RNF43: variants seen among roughly 807,000 people sequenced by gnomAD.
RNF43 encodes the protein E3 ubiquitin-protein ligase RNF43.
In RNF43, 37 loss-of-function variants were observed where a neutral mutation model predicts 78.4. The ratio of observed to expected loss-of-function variants is 0.47; its 90% confidence interval spans 0.36 to 0.62. RNF43 has a LOEUF of 0.62. Among genes scored for constraint, RNF43 ranks in the 20% least tolerant of loss-of-function variants. The pLI is 0.00. For missense variants in RNF43, 774 were observed against 1,007.9 expected (o/e 0.77, Z 3.14); for synonymous variants, 347 against 395.0 (o/e 0.88, Z 1.44).
At chr17:58,371,092 G>A (rs2143517559) in intron 2 of RNF43, 59 bp from the exon 3 acceptor site, 1 of 1,492,326 alleles carries the variant, frequency 6.7e-7, no homozygotes, top group Non-Finnish European at 9.0e-7. Context: ...TGAGCTGTGA[G>A]AGCCATATAC....
intron 2 of RNF43, among the ~76,000 whole-genome samples, chr17:58,378,490 CA>C (rs1973251483): frequency 1.3e-5 from 2 of 152,214 alleles, no homozygotes; most frequent in Admixed American, 1.3e-4. Context: ...CTCCTGGGCT[CA>C]AGTGATCCTC....
At chr17:58,378,703 A>G (rs1377916198) in intron 2 of RNF43, among the ~76,000 whole-genome samples, 2 of 152,214 alleles carry the variant, frequency 1.3e-5, no homozygotes, top group Non-Finnish European at 2.9e-5. Flanking sequence ...AGAGGCCTCC[A>G]TGATTTCTCA....
intron 3 of RNF43, among the ~76,000 whole-genome samples, chr17:58,366,785 G>A (rs1972961989): frequency 6.6e-6 from 1 of 152,144 alleles, no homozygotes; most frequent in Non-Finnish European, 1.5e-5. Flanking sequence ...CTGGCACGGG[G>A]TGTTGCTTAA....
chr17:58,375,020 C>A (rs2143535488), intron 2 of RNF43, among the ~76,000 whole-genome samples: 1 of 152,250 alleles, frequency 6.6e-6, no homozygotes, highest in South Asian at 2.1e-4. Flanking sequence ...CCACCAATAT[C>A]CAATCAATCG....
intron 2 of RNF43, among the ~76,000 whole-genome samples, chr17:58,400,997 C>A (rs2143642039): frequency 6.6e-6 from 1 of 152,004 alleles, no homozygotes; most frequent in Non-Finnish European, 1.5e-5. Flanking sequence ...CATAGGGTAA[C>A]CTACATTTCT....
At chr17:58,389,196 T>C (rs887073043) in intron 2 of RNF43, among the ~76,000 whole-genome samples, 5 of 152,030 alleles carry the variant, frequency 3.3e-5, no homozygotes, top group African/African-American at 1.2e-4. Flanking sequence ...CTGGTAGTAA[T>C]AGTTAAAAGG....
rs2632517 is a variant in RNF43 at position 58,363,113 on chromosome 17, G to A, written c.582+162C>T. Reference sequence around the variant, plus strand: ...ATTCTGTAGGTGAGGCCCAAAGACGGGGGAAAACTTGCCCAGAGGCACACA... The same window carrying A: ...ATTCTGTAGGTGAGGCCCAAAGACGAGGGAAAACTTGCCCAGAGGCACACA... On this transcript the variant is annotated intron_variant, in intron 5 of 9. Transcript: ENST00000407977. 57,721 of 807,694 alleles carry A rather than the reference G, an allele frequency of 0.071. 2,478 individuals carry two copies. The highest frequency in any genetic ancestry group is 0.091 in the Non-Finnish European group (47,383 of 519,752). The allele number at this position is 807,694 out of a possible 1,614,324, so 50.0% of individuals were successfully genotyped here.
intron 1 of RNF43, chr17:58,416,583 A>C (rs903860283): frequency 1.3e-5 from 2 of 152,146 alleles, no homozygotes; most frequent in African/African-American, 4.8e-5. Context: ...AGATTTTATG[A>C]TCTGTAATTT....
intron 2 of RNF43, among the ~76,000 whole-genome samples, chr17:58,398,352 T>TA (rs1168550550): frequency 6.6e-6 from 1 of 152,208 alleles, no homozygotes; most frequent in African/African-American, 2.4e-5. Flanking sequence ...GGGCTAAACT[T>TA]ACAATCTCCC....
intron 3 of RNF43, among the ~76,000 whole-genome samples, chr17:58,364,516 C>T (rs527471471): frequency 1.8e-4 from 27 of 152,168 alleles, no homozygotes; most frequent in South Asian, 2.1e-4. Flanking sequence ...AGCTAAAGGT[C>T]GGGGGAGGCG....
rs1383265452 is a variant in RNF43 at position 58,388,707 on chromosome 17, G to C, written c.253-17674C>G. Reference sequence around the variant, plus strand: ...AATAGGTCCTACAGGATTTGTCAAGGAGATGGATCTTAAGCTCACCCTTAA... The same window carrying C: ...AATAGGTCCTACAGGATTTGTCAAGCAGATGGATCTTAAGCTCACCCTTAA... On this transcript the variant is annotated intron_variant, in intron 2 of 9. Transcript: ENST00000407977. Among the ~76,000 whole-genome samples the C allele has an allele frequency of 2.0e-5, 3 of 152,308 alleles. No individual in the cohort carries two copies. The East Asian group carries it at 5.8e-4, about 29-fold the overall frequency.
In RNF43 at chr17:58,358,000, A is replaced by G. The variant is rs781096250; in HGVS notation, c.1776T>C (p.Pro592=). 6.9e-6 allele frequency: 11 copies of G among 1,603,616 alleles called. No homozygotes were observed. Residue 592 remains proline (P), a synonymous_variant, in exon 9 of 10, where the codon CCT becomes CCC. Coordinates refer to ENST00000407977, the MANE Select transcript of RNF43 (RefSeq NM_017763.6). The surrounding 1 kb of genome is among the most constrained non-coding windows in gnomAD (Gnocchi z 4.5). ...ATCTGGTGACTTGCTGATCAGGAGA[A>G]GGTGGCTCTGGCTGGGGCTGTGTCC... ...IPRTQPQPEP[P]SPDQQVTRSN...
intron 5 of RNF43, 156 bp downstream of exon 5, chr17:58,363,119 A>G (rs1289708223): frequency 1.1e-6 from 1 of 888,806 alleles, no homozygotes; most frequent in African/African-American, 1.7e-5. Context: ...GACGGGGGAA[A>G]ACTTGCCCAG....
intron 2 of RNF43, among the ~76,000 whole-genome samples, chr17:58,390,123 A>T (rs1186372200): frequency 1.3e-5 from 2 of 152,184 alleles, no homozygotes; most frequent in Non-Finnish European, 2.9e-5. Flanking sequence ...CTACATTCAG[A>T]ATCAGCAAAG....
intron 2 of RNF43, among the ~76,000 whole-genome samples, chr17:58,372,129 A>C (rs745403345): frequency 2.0e-5 from 3 of 152,244 alleles, no homozygotes; most frequent in Non-Finnish European, 4.4e-5. Context: ...TCCAGAAAGA[A>C]CCATCAGAGG....
chr17:58,354,765 G>C lies in RNF43; in HGVS notation c.*178C>G. On this transcript the variant is annotated 3_prime_UTR_variant, in exon 10 of 10. Coordinates refer to ENST00000407977, the MANE Select transcript of RNF43 (RefSeq NM_017763.6). ...GCAGACAAGGTCTGGAGCTGGAGCA[G>C]GAAACGGCACCCTCTCACCCTCCAC... The C allele has an allele frequency of 3.1e-6, 2 of 641,332 alleles. No homozygotes were observed. 39.7% of individuals were successfully genotyped at this position (641,332 alleles called of 1,614,324 possible). A position where few individuals can be genotyped will look rare whatever the true frequency, so the allele number is the denominator to read the frequency against.
At chr17:58,393,785 T>C (rs1202252500) in intron 2 of RNF43, among the ~76,000 whole-genome samples, 2 of 152,210 alleles carry the variant, frequency 1.3e-5, no homozygotes, top group Non-Finnish European at 2.9e-5. Context: ...CCGGGCGCGG[T>C]GGCTCACGCC....
At position 58,358,605 on chromosome 17, in the gene RNF43, G is replaced by A. The variant is rs758746256; in HGVS notation, c.1171C>T (p.Pro391Ser). 28 of 1,575,194 alleles carry A rather than the reference G, an allele frequency of 1.8e-5. No homozygotes were observed. The highest frequency in any genetic ancestry group is 2.3e-5 in the Non-Finnish European group (27 of 1,159,334). ...GGAGCCCGGGGATGTGCAGCTCTGG[G>A]GAAGCGGTGATGCCGAGGGCCCATG... ...PGMGPRHHRF[P>S]RAAHPRAPGE... Residue 391 changes from proline to serine, a missense_variant, in exon 9 of 10, where the codon CCC becomes TCC. Physicochemically the swap from Pro to Ser is moderately conservative, Grantham distance 74. Coordinates refer to ENST00000407977, the MANE Select transcript of RNF43 (RefSeq NM_017763.6). This position sits in a 1 kb window ranked among gnomAD's most constrained non-coding sequence, Gnocchi z 6.2.
chr17:58,372,773 C>A (rs923492253), intron 2 of RNF43, among the ~76,000 whole-genome samples: 10 of 152,148 alleles, frequency 6.6e-5, no homozygotes, highest in South Asian at 2.1e-4. Flanking sequence ...GACTGGAGAG[C>A]TACCTGGAAG....
Sources: gnomAD v4.1 joint callset for allele counts (sites outside exome capture counted in the v4.1 genomes callset) on GRCh38, gnomAD v4.1.1 for gene constraint, Gnocchi (gnomAD v3.1) non-coding constraint, MANE v1.5 for transcripts, NCBI Gene and HGNC (gene_info 2026-07-23, HGNC 2026-07-21) for gene names.